MYCBP2: variants seen among roughly 807,000 people sequenced by gnomAD.
The protein encoded by MYCBP2 is E3 ubiquitin-protein ligase MYCBP2.
In MYCBP2, 120 loss-of-function variants were observed where a neutral mutation model predicts 525.3. The ratio of observed to expected loss-of-function variants is 0.23; its 90% confidence interval spans 0.20 to 0.27. The LOEUF (loss-of-function observed/expected upper bound fraction) is 0.27. Among genes scored for constraint, MYCBP2 ranks in the 10% least tolerant of loss-of-function variants. The pLI is 1.00. For synonymous variants in MYCBP2, 1,894 were observed against 1,955.8 expected (o/e 0.97, Z 0.83); for missense variants, 4,149 against 5,657.1 (o/e 0.73, Z 8.55).
intron 17 of MYCBP2, among the ~76,000 whole-genome samples, chr13:77,236,129 T>C (rs1278518450): frequency 6.6e-6 from 1 of 152,150 alleles, no homozygotes; most frequent in Non-Finnish European, 1.5e-5. Context: ...CTTTTTGCTG[T>C]CAGATAGGCA....
At chr13:77,165,884 C>A (rs1250795248) in intron 41 of MYCBP2, among the ~76,000 whole-genome samples, 5 of 152,148 alleles carry the variant, frequency 3.3e-5, no homozygotes, top group Non-Finnish European at 5.9e-5. Context: ...GTTAAGAATG[C>A]AACAAACCAT....
At chr13:77,126,737 A>G (rs760790862) in intron 52 of MYCBP2, among the ~76,000 whole-genome samples, 195 bp from the exon 53 acceptor site, 10 of 152,158 alleles carry the variant, frequency 6.6e-5, no homozygotes, top group Non-Finnish European at 1.5e-4. Context: ...TATTTAAAAT[A>G]AAGTTGAAGG....
At chr13:77,306,175 T>C (rs996446893) in intron 1 of MYCBP2, among the ~76,000 whole-genome samples, 1 of 152,148 alleles carries the variant, frequency 6.6e-6, no homozygotes, top group Non-Finnish European at 1.5e-5. Flanking sequence ...TCAAGGTCAC[T>C]GGATACAAGA....
At chr13:77,120,768 T>C (rs1209034508) in intron 55 of MYCBP2, among the ~76,000 whole-genome samples, 1 of 152,188 alleles carries the variant, frequency 6.6e-6, no homozygotes, top group Non-Finnish European at 1.5e-5. Flanking sequence ...GTCTCTTCCA[T>C]TAATGCAGCC....
intron 59 of MYCBP2, 44 bp downstream of exon 59, chr13:77,093,121 C>T (rs1037931929): frequency 1.3e-6 from 2 of 1,531,624 alleles, no homozygotes; most frequent in African/African-American, 1.4e-5. Flanking sequence ...GTCTTTCTTC[C>T]ACCAAACACT....
At chr13:77,225,296 A>G in intron 19 of MYCBP2, 139 bp downstream of exon 19, 2 of 1,032,370 alleles carry the variant, frequency 1.9e-6, no homozygotes, top group East Asian at 5.1e-5. Flanking sequence ...AATAAATACA[A>G]AGGTCTTACA....
Position 77,044,901 on chromosome 13 carries a change from GTT to G in MYCBP2, c.*475_*476del, listed in dbSNP as rs56131306. The stretch of plus-strand genomic sequence containing the variant: ...CATTTATATGCTGTCCTAACACAAT[GTT>G]TTTTTTTTTTTTAAATAACAGTCTA... On this transcript the variant is annotated 3_prime_UTR_variant, in exon 83 of 83. Coordinates refer to ENST00000544440, the MANE Select transcript of MYCBP2 (RefSeq NM_015057.5). The G allele has an allele frequency of 1.9e-5, 7 of 365,166 alleles. No individual in the cohort carries two copies. The highest frequency in any genetic ancestry group is 2.9e-5 in the Non-Finnish European group (6 of 208,982). The allele number at this position is 365,166 out of a possible 1,614,324, so 22.6% of individuals were successfully genotyped here.
intron 1 of MYCBP2, among the ~76,000 whole-genome samples, chr13:77,303,267 C>T (rs572233686): frequency 2.6e-5 from 4 of 152,254 alleles, no homozygotes; most frequent in African/African-American, 7.2e-5. Flanking sequence ...CGAGAGGTGG[C>T]GGTTGCAGTG....
intron 1 of MYCBP2, among the ~76,000 whole-genome samples, chr13:77,309,317 T>C (rs1236391652): frequency 6.6e-6 from 1 of 152,190 alleles, no homozygotes; most frequent in Non-Finnish European, 1.5e-5. Context: ...AGGCAGTTTG[T>C]GAGTGACAGT....
At chr13:77,169,395 CAAAAAAA>C (rs371575329) in intron 39 of MYCBP2, among the ~76,000 whole-genome samples, 2 of 33,812 alleles carry the variant, frequency 5.9e-5, no homozygotes, top group Non-Finnish European at 1.3e-4. Context: ...GACTCCGTCT[CAAAAAAA>C]AAAAAAAAAA....
At chr13:77,086,251 C>A (rs1442695249) in intron 62 of MYCBP2, among the ~76,000 whole-genome samples, 1 of 152,084 alleles carries the variant, frequency 6.6e-6, no homozygotes, top group Non-Finnish European at 1.5e-5. Flanking sequence ...TTGAAAAAAA[C>A]CAACTGACAG....
At chr13:77,174,733 G>T (rs913471081) in intron 36 of MYCBP2, among the ~76,000 whole-genome samples, 6 of 149,252 alleles carry the variant, frequency 4.0e-5, no homozygotes, top group African/African-American at 1.5e-4. Flanking sequence ...GACCTCATAA[G>T]GTAAGTATCA....
intron 55 of MYCBP2, chr13:77,100,067 T>C (rs925045598): frequency 1.3e-5 from 2 of 152,088 alleles, no homozygotes; most frequent in African/African-American, 2.4e-5. Context: ...CTGAAGGGTT[T>C]CAAGTGGTAT....
At chr13:77,140,769 T>A (rs1188909340) in intron 50 of MYCBP2, 77 bp downstream of exon 50, 5 of 1,012,758 alleles carry the variant, frequency 4.9e-6, no homozygotes, top group Non-Finnish European at 6.1e-6. Context: ...ATGTTAGATG[T>A]TTACTGGCCA....
At chr13:77,296,379 C>T (rs1161410899) in intron 2 of MYCBP2, among the ~76,000 whole-genome samples, 1 of 149,906 alleles carries the variant, frequency 6.7e-6, no homozygotes, top group Non-Finnish European at 1.5e-5. Flanking sequence ...GGTGACAAAA[C>T]AAGACCCTGT....
chr13:77,104,441 A>C (rs1480044491), intron 55 of MYCBP2, among the ~76,000 whole-genome samples: 1 of 152,136 alleles, frequency 6.6e-6, no homozygotes. Flanking sequence ...GAGGGAATGA[A>C]CAAATAAGTA....
At chr13:77,194,373 C>A in intron 26 of MYCBP2, 129 bp from the exon 27 acceptor site, 1 of 630,850 alleles carries the variant, frequency 1.6e-6, no homozygotes, top group Non-Finnish European at 2.9e-6. Flanking sequence ...AGAGTACCTG[C>A]TTTTTTAACA....
intron 18 of MYCBP2, among the ~76,000 whole-genome samples, chr13:77,229,926 C>G (rs2066899089): frequency 6.6e-6 from 1 of 152,142 alleles, no homozygotes; most frequent in African/African-American, 2.4e-5. Flanking sequence ...AGGACTATCT[C>G]TAGAACAATT....
At chr13:77,185,767 T>C (rs994747440) in intron 31 of MYCBP2, 104 bp downstream of exon 31, 12 of 833,514 alleles carry the variant, frequency 1.4e-5, no homozygotes, top group Non-Finnish European at 2.0e-5. Context: ...TAGAAGCAGC[T>C]TAAATGCAGC....
Sources: gnomAD v4.1 joint callset for allele counts (sites outside exome capture counted in the v4.1 genomes callset) on GRCh38, gnomAD v4.1.1 for gene constraint, MANE v1.5 for transcripts, NCBI Gene and HGNC (gene_info 2026-07-23, HGNC 2026-07-21) for gene names.